CFAP65: variants seen among roughly 807,000 people sequenced by gnomAD.
The protein encoded by CFAP65 is cilia- and flagella-associated protein 65.
A neutral mutation model predicts 208.0 loss-of-function variants in CFAP65; 155 were observed. The observed-to-expected ratio is 0.75, with a 90% CI of 0.65 to 0.85. CFAP65 has a LOEUF of 0.85. CFAP65 is among the 40% of genes least tolerant of loss of function. CFAP65 has a pLI of 0.00. For synonymous variants in CFAP65, 970 were observed against 986.3 expected, an observed-to-expected ratio of 0.98 and a Z score of 0.31; for missense variants, 2,294 against 2,451.3, an observed-to-expected ratio of 0.94 and a Z score of 1.36.
chr2:219,024,333 G>A, intron 14 of CFAP65, 73 bp from the exon 15 acceptor site: 1 of 1,531,330 alleles, frequency 6.5e-7, no homozygotes, highest in South Asian at 1.3e-5. Flanking sequence ...AGGGCCCTAT[G>A]GGGGCTTGGG....
At chr2:219,019,484 C>A (rs772523925) in intron 20 of CFAP65, 22 bp downstream of exon 20, 222 of 1,597,582 alleles carry the variant, frequency 1.4e-4, no homozygotes, top group Non-Finnish European at 1.8e-4. Context: ...CAGCCCCCAC[C>A]CCCACTCCAG....
intron 4 of CFAP65, among the ~76,000 whole-genome samples, chr2:219,035,997 C>T (rs1948333992): frequency 1.3e-5 from 2 of 152,218 alleles, no homozygotes; most frequent in Non-Finnish European, 2.9e-5. Flanking sequence ...TTCCTCAGTG[C>T]ACCCTCAGAT....
At chr2:219,011,747 C>T (rs1574544803) in intron 24 of CFAP65, among the ~76,000 whole-genome samples, 1 of 152,168 alleles carries the variant, frequency 6.6e-6, no homozygotes, top group East Asian at 1.9e-4. Context: ...GAATAGAGTC[C>T]ATCTGGATTC....
chr2:219,009,496 A>AGGGATGGAATTGGATAGGAT, intron 27 of CFAP65, 36 bp from the exon 28 acceptor site: 1 of 1,445,712 alleles, frequency 6.9e-7, no homozygotes, highest in Admixed American at 1.7e-5. Context: ...GGAGATTCAC[A>AGGGATGGAATTGGATAGGAT]GGGATGGAAT....
At chr2:219,014,326 AT>A (rs902483778) in intron 21 of CFAP65, 7 of 285,396 alleles carry the variant, frequency 2.5e-5, no homozygotes, top group African/African-American at 1.5e-4. Context: ...TGTTGCTTGA[AT>A]ATGGGGGCCA....
At chr2:219,026,270 A>G (rs1480057636) in intron 13 of CFAP65, 111 bp from the exon 14 acceptor site, 1 of 1,175,618 alleles carries the variant, frequency 8.5e-7, no homozygotes, top group Non-Finnish European at 1.2e-6. Context: ...CATTGGACAC[A>G]GACAGGAGGG....
Position 219,010,142 on chromosome 2 carries a change from G to A in CFAP65, c.4309-57C>T, listed in dbSNP as rs1451696467. On this transcript the variant is annotated intron_variant, in intron 26 of 34. Transcript: ENST00000341552. ...GAACCGGCCAGGCATGGTGGCTCAC[G>A]CCTGTAATCCCAGCACTTTGGGAGG... The A allele has an allele frequency of 5.3e-6, 8 of 1,503,806 alleles. No homozygotes were observed. The East Asian group carries it at 7.0e-5, about 13-fold the overall frequency. The allele number at this position is 1,503,806 out of a possible 1,614,324, so 93.2% of individuals were successfully genotyped here. A position where few individuals can be genotyped will look rare whatever the true frequency, so the allele number is the denominator to read the frequency against.
chr2:219,006,551 C>G (rs145551970), intron 29 of CFAP65, 42 bp from the exon 30 acceptor site: 7 of 1,602,202 alleles, frequency 4.4e-6, no homozygotes, highest in African/African-American at 2.7e-5. Context: ...ACAAGAGGCC[C>G]GGCCGGGGGT....
At chr2:219,009,297 C>T (rs903596915) in intron 28 of CFAP65, 50 bp downstream of exon 28, 2 of 1,488,566 alleles carry the variant, frequency 1.3e-6, no homozygotes, top group Admixed American at 1.7e-5. Flanking sequence ...CCCACCCCAG[C>T]ATTGGGAGCC....
intron 5 of CFAP65, chr2:219,033,931 A>G (rs906338826): frequency 6.6e-6 from 1 of 152,222 alleles, no homozygotes. Flanking sequence ...ATCACTGAAC[A>G]TAATACCTAT....
At chr2:219,029,702 A>C (rs762466957) in intron 10 of CFAP65, 34 bp from the exon 11 acceptor site, 1 of 1,599,138 alleles carries the variant, frequency 6.3e-7, no homozygotes, top group Non-Finnish European at 8.5e-7. Context: ...AGCTTCCCCA[A>C]GGATATCTTA....
At chr2:219,009,233 A>C in intron 28 of CFAP65, 79 bp from the exon 29 acceptor site, 1 of 1,471,034 alleles carries the variant, frequency 6.8e-7, no homozygotes, top group Non-Finnish European at 9.5e-7. Context: ...TCTCCCTTCC[A>C]AGGGCTGACT....
intron 11 of CFAP65, 46 bp from the exon 12 acceptor site, chr2:219,028,447 G>A: frequency 6.5e-7 from 1 of 1,545,336 alleles, no homozygotes; most frequent in East Asian, 2.2e-5. Flanking sequence ...GGGGTGGTAG[G>A]GCAAGGGGGG....
intron 14 of CFAP65, among the ~76,000 whole-genome samples, chr2:219,025,154 C>T (rs1048590704): frequency 3.9e-5 from 6 of 152,164 alleles, no homozygotes; most frequent in African/African-American, 9.6e-5. Context: ...GTGTGTTAGC[C>T]GGTGAGGGAG....
rs900275637 is a variant in CFAP65, at chr2:219,029,631, G to A, written c.1422C>T (p.Phe474=). The A allele has an allele frequency of 1.9e-6, 3 of 1,614,114 alleles. No homozygotes were observed. Among genetic ancestry groups the A allele is most frequent in the Non-Finnish European group, 2.5e-6 (3 of 1,180,012 alleles). The change falls in exon 11 of 35, where the codon TTC becomes TTT. Residue 474 remains phenylalanine, a synonymous_variant. Coordinates refer to ENST00000341552, the MANE Select transcript of CFAP65 (RefSeq NM_194302.4). ...AGCGCTCCCCAAGGTTGACCCAGCT[G>A]AAGTTGACACAGTAGTGCTGCAGGG... The part of the protein sequence containing the change: ...AVSLQHYCVN[F]SWVNLGERSE...
Position 219,010,642 on chromosome 2 carries a change from G to A in CFAP65, c.4212C>T (p.Gly1404=). 6.2e-7 allele frequency: 1 copy of A among 1,611,510 alleles called. No individual in the cohort carries two copies. Among genetic ancestry groups the A allele is most frequent in the Non-Finnish European group, 8.5e-7 (1 of 1,179,384 alleles). Residue 1404 remains glycine, a synonymous_variant, in exon 26 of 35, where the codon GGC becomes GGT. Coordinates refer to ENST00000341552, the MANE Select transcript of CFAP65 (RefSeq NM_194302.4). ...TGTCCCCCATCATATGGGGGTTGTAGCCCACTCCCTGGAAGTGGATGAGGG... is the reference window on the plus strand; with the variant it reads ...TGTCCCCCATCATATGGGGGTTGTAACCCACTCCCTGGAAGTGGATGAGGG... ...NSALIHFQGV[G]YNPHMMGDTA...
chr2:219,028,272 T>C lies in CFAP65; in HGVS notation c.1780A>G (p.Ile594Val). ...TTCTCCTTCAGCATGGCATCCAGGATGTCAGGGGGGTAGAGCGTCAGGCCC... is the reference window on the plus strand; with the variant it reads ...TTCTCCTTCAGCATGGCATCCAGGACGTCAGGGGGGTAGAGCGTCAGGCCC... Reference protein sequence around the residue: ...ARGLTLYPPDILDAMLKEKKL... With the variant: ...ARGLTLYPPDVLDAMLKEKKL... The change falls in exon 12 of 35, where the codon ATC becomes GTC. Residue 594 changes from isoleucine (I) to valine (V), a missense_variant. Ile to Val is a conservative substitution (Grantham distance 29, BLOSUM62 3). Coordinates refer to ENST00000341552, the MANE Select transcript of CFAP65 (RefSeq NM_194302.4). 6.2e-7 allele frequency: 1 copy of C among 1,613,894 alleles called. No individual in the cohort carries two copies. Among genetic ancestry groups the C allele is most frequent in the Non-Finnish European group, 8.5e-7 (1 of 1,179,956 alleles).
At chr2:219,037,401 AAAAC>A (rs575644999) in intron 4 of CFAP65, among the ~76,000 whole-genome samples, 53 of 152,330 alleles carry the variant, frequency 3.5e-4, no homozygotes, top group African/African-American at 1.2e-3. Flanking sequence ...CAAAAAAAGA[AAAAC>A]AAACAAACAA....
At chr2:219,020,656 AGGTGTG>A (rs1947209341) in intron 19 of CFAP65, among the ~76,000 whole-genome samples, 1 of 152,206 alleles carries the variant, frequency 6.6e-6, no homozygotes, top group African/African-American at 2.4e-5. Flanking sequence ...CTGAGATTAT[AGGTGTG>A]AGCCACCATG....
Sources: gnomAD v4.1 joint callset for allele counts (sites outside exome capture counted in the v4.1 genomes callset) on GRCh38, gnomAD v4.1.1 for gene constraint, MANE v1.5 for transcripts, NCBI Gene and HGNC (gene_info 2026-07-23, HGNC 2026-07-21) for gene names.